KCNK2: variants seen among roughly 807,000 people sequenced by gnomAD.
KCNK2 encodes the protein potassium two pore domain channel subfamily K member 2.
KCNK2 carries 21 observed loss-of-function variants against 40.5 expected under a neutral mutation model. The ratio of observed to expected loss-of-function variants is 0.52; its 90% CI spans 0.37 to 0.75. The LOEUF (loss-of-function observed/expected upper bound fraction) is 0.75. KCNK2 is among the 30% of genes least tolerant of loss of function. The pLI is 0.00. For synonymous variants in KCNK2, 191 were observed against 202.2 expected, an observed-to-expected ratio of 0.94 and a Z score of 0.47; for missense variants, 399 against 531.6, an observed-to-expected ratio of 0.75 and a Z score of 2.45.
intron 3 of KCNK2, among the ~76,000 whole-genome samples, chr1:215,132,030 C>G (rs72735359): frequency 0.14 from 21,336 of 151,880 alleles, 2,085 homozygotes; most frequent in South Asian, 0.41. Flanking sequence ...CAAAAAAACA[C>G]CAGGAAGAAA....
intron 1 of KCNK2, among the ~76,000 whole-genome samples, chr1:215,019,534 C>T (rs1341743244): frequency 1.3e-5 from 2 of 152,118 alleles, no homozygotes; most frequent in Non-Finnish European, 2.9e-5. Context: ...AGTGTCTATG[C>T]GCTCATGGTT....
At chr1:215,164,338 C>G (rs900117004) in intron 3 of KCNK2, among the ~76,000 whole-genome samples, 4 of 151,998 alleles carry the variant, frequency 2.6e-5, no homozygotes, top group Non-Finnish European at 4.4e-5. Context: ...AGCTAGTGGT[C>G]TATTTAGTTA....
chr1:215,227,689 C>A (rs6698670), intron 6 of KCNK2, among the ~76,000 whole-genome samples: 3,365 of 152,148 alleles, frequency 0.022, 120 homozygotes, highest in African/African-American at 0.077. Flanking sequence ...GGAATTAAGT[C>A]AGCAAGATTG....
chr1:215,007,037 ATGTG>A (rs1214318973), intron 1 of KCNK2, among the ~76,000 whole-genome samples: 27 of 51,590 alleles, frequency 5.2e-4, no homozygotes, highest in African/African-American at 1.5e-3. Flanking sequence ...ATATATATAT[ATGTG>A]TGTGTGTGTA....
chr1:215,193,756 G>A (rs1664758064), intron 5 of KCNK2, among the ~76,000 whole-genome samples: 2 of 151,962 alleles, frequency 1.3e-5, no homozygotes, highest in African/African-American at 4.8e-5. Context: ...ATTCTCCATG[G>A]AGTTAAGATC....
At chr1:215,167,069 T>C (rs1663479040) in intron 3 of KCNK2, among the ~76,000 whole-genome samples, 1 of 151,838 alleles carries the variant, frequency 6.6e-6, no homozygotes, top group African/African-American at 2.4e-5. Context: ...ACTGTTTGAG[T>C]AGGAGGAAGA....
intron 6 of KCNK2, among the ~76,000 whole-genome samples, chr1:215,225,542 G>A (rs967841307): frequency 4.6e-5 from 7 of 152,172 alleles, no homozygotes; most frequent in Admixed American, 3.3e-4. Flanking sequence ...CACTGGTAGA[G>A]AACCTATGAA....
intron 3 of KCNK2, among the ~76,000 whole-genome samples, chr1:215,137,376 G>A (rs767472249): frequency 6.6e-6 from 1 of 152,142 alleles, no homozygotes; most frequent in Non-Finnish European, 1.5e-5. Flanking sequence ...GTAATTATTA[G>A]AACACAGCCA....
At chr1:215,161,110 A>G (rs748874588) in intron 3 of KCNK2, among the ~76,000 whole-genome samples, 5 of 152,154 alleles carry the variant, frequency 3.3e-5, no homozygotes, top group Non-Finnish European at 5.9e-5. Context: ...CGGAATAAAC[A>G]TGTAATAGGA....
intron 3 of KCNK2, among the ~76,000 whole-genome samples, chr1:215,165,277 A>T (rs991112562): frequency 6.6e-6 from 1 of 152,152 alleles, no homozygotes; most frequent in Non-Finnish European, 1.5e-5. Context: ...GCTAGCCTGC[A>T]TCTTTCTACT....
At chr1:215,010,858 T>G (rs1350396267) in intron 1 of KCNK2, among the ~76,000 whole-genome samples, 3 of 91,408 alleles carry the variant, frequency 3.3e-5, no homozygotes, top group African/African-American at 6.5e-5. Flanking sequence ...CAGATTTTTT[T>G]TTTTTTTTTT....
chr1:215,202,113 C>A (rs1044830543), intron 6 of KCNK2, among the ~76,000 whole-genome samples: 4 of 152,046 alleles, frequency 2.6e-5, no homozygotes, highest in African/African-American at 9.7e-5. Flanking sequence ...TGTAAAATTT[C>A]TCAGGTTTAT....
At chr1:215,185,036 T>C (rs974884182) in intron 5 of KCNK2, among the ~76,000 whole-genome samples, 10 of 152,272 alleles carry the variant, frequency 6.6e-5, no homozygotes, top group Non-Finnish European at 1.0e-4. Context: ...CATAGGAGAA[T>C]AGGAGAATGA....
intron 6 of KCNK2, among the ~76,000 whole-genome samples, chr1:215,221,720 C>T (rs867504359): frequency 1.3e-5 from 2 of 152,272 alleles, no homozygotes; most frequent in African/African-American, 4.8e-5. Flanking sequence ...AGTAGACCCA[C>T]ACAGTTCAAA....
intron 3 of KCNK2, among the ~76,000 whole-genome samples, chr1:215,152,139 A>G (rs1241685101): frequency 6.6e-6 from 1 of 152,062 alleles, no homozygotes; most frequent in Non-Finnish European, 1.5e-5. Context: ...TTGTCCCAGT[A>G]TGGAGTTATT....
intron 5 of KCNK2, 37 bp downstream of exon 5, chr1:215,172,220 A>G (rs1663747277): frequency 6.4e-7 from 1 of 1,553,156 alleles, no homozygotes; most frequent in Non-Finnish European, 8.8e-7. Flanking sequence ...CTCTTCTAAC[A>G]GGGGTTTATT....
chr1:215,056,615 C>CTTTTTT (rs34925678), intron 1 of KCNK2, among the ~76,000 whole-genome samples: 14 of 103,982 alleles, frequency 1.3e-4, no homozygotes, highest in South Asian at 6.9e-4. Flanking sequence ...TGTGTCCACT[C>CTTTTTT]TTTTTTTTTT....
intron 6 of KCNK2, among the ~76,000 whole-genome samples, chr1:215,209,988 AATATATAATATATATTATATATAAT>A (rs1399953648): frequency 5.1e-3 from 21 of 4,134 alleles, no homozygotes; most frequent in Non-Finnish European, 0.024. Context: ...TATTATATAT[AATATATAATATATATTATATATAAT>A]ATATAATATA....
At chr1:215,177,950 C>G (rs1261936812) in intron 5 of KCNK2, among the ~76,000 whole-genome samples, 1 of 151,364 alleles carries the variant, frequency 6.6e-6, no homozygotes, top group Non-Finnish European at 1.5e-5. Context: ...AGCGTTGAGT[C>G]TATAGATTGC....
Sources: gnomAD v4.1 joint callset for allele counts (sites outside exome capture counted in the v4.1 genomes callset) on GRCh38, gnomAD v4.1.1 for gene constraint, MANE v1.5 for transcripts, NCBI Gene and HGNC (gene_info 2026-07-23, HGNC 2026-07-21) for gene names.